Variants in IQGAP2 observed in about 807,000 individuals in gnomAD.
IQGAP2 encodes IQ motif containing GTPase activating protein 2.
IQGAP2 carries 173 observed loss-of-function variants against 201.3 expected under a neutral mutation model. The observed-to-expected ratio is 0.86, with a 90% CI of 0.76 to 0.98. IQGAP2 has a LOEUF of 0.98. Among genes scored for constraint, IQGAP2 ranks in the 50% least tolerant of loss-of-function variants. The pLI is 0.00. For synonymous variants in IQGAP2, 675 were observed against 673.9 expected, an observed-to-expected ratio of 1.00 and a Z score of -0.03; for missense variants, 1,687 against 1,864.8, an observed-to-expected ratio of 0.90 and a Z score of 1.76.
At chr5:76,606,118 A>G (rs1298606143) in intron 11 of IQGAP2, 61 bp from the exon 12 acceptor site, 1 of 1,449,042 alleles carries the variant, frequency 6.9e-7, no homozygotes, top group African/African-American at 1.4e-5. Context: ...ATAGTTGAGA[A>G]ACAACAGGAA....
intron 2 of IQGAP2, among the ~76,000 whole-genome samples, chr5:76,555,732 C>G (rs1251409946): frequency 6.6e-6 from 1 of 152,092 alleles, no homozygotes; most frequent in East Asian, 1.9e-4. Context: ...ACCTTGAAAA[C>G]ATGGGGTTCT....
At chr5:76,670,975 G>T (rs372590173) in intron 23 of IQGAP2, among the ~76,000 whole-genome samples, 1 of 152,056 alleles carries the variant, frequency 6.6e-6, no homozygotes, top group African/African-American at 2.4e-5. Context: ...AAACATACAC[G>T]TTATAAACTG....
chr5:76,544,038 C>T (rs2150223630), intron 2 of IQGAP2, among the ~76,000 whole-genome samples: 1 of 152,252 alleles, frequency 6.6e-6, no homozygotes, highest in South Asian at 2.1e-4. Context: ...AGTTAAGATG[C>T]CCCATTCCTG....
At chr5:76,414,690 A>T (rs1231399882) in intron 1 of IQGAP2, among the ~76,000 whole-genome samples, 1 of 152,018 alleles carries the variant, frequency 6.6e-6, no homozygotes, top group Non-Finnish European at 1.5e-5. Flanking sequence ...TATAAAGATA[A>T]TTTTTTCCTC....
chr5:76,701,080 A>G lies in IQGAP2; in HGVS notation c.4372A>G (p.Thr1458Ala), dbSNP rs1747339890. 1 of 1,614,160 alleles carries G rather than the reference A, an allele frequency of 6.2e-7. No individual in the cohort carries two copies. The highest frequency in any genetic ancestry group is 2.2e-5 in the East Asian group (1 of 44,880). Residue 1458 changes from threonine (T) to alanine (A), a missense_variant, in exon 34 of 36, where the codon ACT becomes GCT. By Grantham distance (58) the Thr-to-Ala change is moderately conservative. Transcript: ENST00000274364. ...GTTCTGTTCTTATTTTGTCAGAAATACTCGGAGATCAATTAAACTAGATGG... is the reference window on the plus strand; with the variant it reads ...GTTCTGTTCTTATTTTGTCAGAAATGCTCGGAGATCAATTAAACTAGATGG... Reference protein sequence around the residue: ...TCLDNLKRKNTRRSIKLDGKG... With the variant: ...TCLDNLKRKNARRSIKLDGKG...
chr5:76,543,424 C>T (rs1284498833), intron 2 of IQGAP2, among the ~76,000 whole-genome samples: 2 of 152,200 alleles, frequency 1.3e-5, no homozygotes, highest in Admixed American at 6.5e-5. Context: ...AATGTGCAAG[C>T]GGGCCTCAGA....
intron 3 of IQGAP2, among the ~76,000 whole-genome samples, chr5:76,568,145 T>G (rs1363441032): frequency 6.6e-6 from 1 of 152,216 alleles, no homozygotes; most frequent in Non-Finnish European, 1.5e-5. Flanking sequence ...CTAACGAAAG[T>G]GTGCTAACAT....
chr5:76,502,036 T>C (rs1350937739), intron 2 of IQGAP2, among the ~76,000 whole-genome samples: 1 of 152,212 alleles, frequency 6.6e-6, no homozygotes, highest in Non-Finnish European at 1.5e-5. Flanking sequence ...GCTTTGCCCA[T>C]GAAGACGTGG....
At chr5:76,467,721 A>G (rs1754858872) in intron 2 of IQGAP2, among the ~76,000 whole-genome samples, 1 of 152,238 alleles carries the variant, frequency 6.6e-6, no homozygotes, top group African/African-American at 2.4e-5. Flanking sequence ...AATGACAAAA[A>G]GCAGAAACAA....
At chr5:76,569,358 C>A (rs1287732969) in intron 3 of IQGAP2, among the ~76,000 whole-genome samples, 1 of 151,942 alleles carries the variant, frequency 6.6e-6, no homozygotes, top group Non-Finnish European at 1.5e-5. Flanking sequence ...TTTATTTAAT[C>A]TTATTCACCC....
intron 2 of IQGAP2, among the ~76,000 whole-genome samples, chr5:76,496,266 T>C (rs1204097752): frequency 6.6e-6 from 1 of 152,156 alleles, no homozygotes; most frequent in Admixed American, 6.6e-5. Context: ...CTACTTAGGG[T>C]CTCTCAAGGC....
intron 11 of IQGAP2, 33 bp downstream of exon 11, chr5:76,601,005 C>T (rs1170367457): frequency 6.3e-7 from 1 of 1,595,310 alleles, no homozygotes; most frequent in Admixed American, 1.7e-5. Flanking sequence ...TCTTTCAATG[C>T]AGAAATGCAT....
At chr5:76,520,205 A>G (rs1002380053) in intron 2 of IQGAP2, among the ~76,000 whole-genome samples, 1 of 151,984 alleles carries the variant, frequency 6.6e-6, no homozygotes, top group African/African-American at 2.4e-5. Context: ...TAATTTTTAT[A>G]TAAGATGTAA....
In IQGAP2 at chr5:76,619,252, G is replaced by A. The variant is rs2069678; in HGVS notation, c.1521+8069G>A. On this transcript the variant is annotated intron_variant, in intron 13 of 35. Transcript: ENST00000274364. ...TGCATAAAAATGCATTGTCTTATGC[G>A]AATAAAGTGCAGCTGAGAAAGGAAA... 9.6e-3 allele frequency among the ~76,000 whole-genome samples: 1,463 copies of A among 152,204 alleles called. 25 individuals are homozygous for A. The highest frequency in any genetic ancestry group is 0.033 in the African/African-American group (1,373 of 41,522).
chr5:76,583,138 G>GAGCT (rs1270850660), intron 5 of IQGAP2, among the ~76,000 whole-genome samples: 1 of 152,218 alleles, frequency 6.6e-6, no homozygotes, highest in Non-Finnish European at 1.5e-5. Flanking sequence ...AACTGTTGAA[G>GAGCT]AGCTACATGA....
intron 14 of IQGAP2, among the ~76,000 whole-genome samples, chr5:76,631,022 G>GT (rs1485354627): frequency 2.0e-5 from 3 of 152,078 alleles, no homozygotes; most frequent in Non-Finnish European, 4.4e-5. Context: ...TTTGATGTAC[G>GT]TGTAAGAAAA....
chr5:76,660,045 G>T (rs899327770), intron 21 of IQGAP2: 1 of 152,260 alleles, frequency 6.6e-6, no homozygotes, highest in South Asian at 2.1e-4. Flanking sequence ...AAAACTGATA[G>T]GTCAAAGAGG....
intron 3 of IQGAP2, among the ~76,000 whole-genome samples, chr5:76,569,492 T>C (rs1197909693): frequency 6.6e-6 from 1 of 152,174 alleles, no homozygotes; most frequent in East Asian, 1.9e-4. Context: ...AGGGTTAATT[T>C]ACATGAAGTG....
At chr5:76,519,087 C>T (rs1286102461) in intron 2 of IQGAP2, among the ~76,000 whole-genome samples, 5 of 152,232 alleles carry the variant, frequency 3.3e-5, no homozygotes, top group African/African-American at 4.8e-5. Flanking sequence ...AGTTTACATA[C>T]ATGAATTCAT....
Sources: allele counts gnomAD v4.1 joint callset (sites outside exome capture counted in the v4.1 genomes callset), GRCh38; gene constraint gnomAD v4.1.1; transcripts MANE v1.5; gene names NCBI Gene and HGNC (gene_info 2026-07-23, HGNC 2026-07-21).